UGGT1: variants seen among roughly 807,000 people sequenced by gnomAD.
The protein encoded by UGGT1 is UDP-glucose glycoprotein glucosyltransferase 1.
In UGGT1, 107 loss-of-function variants were observed where a neutral mutation model predicts 203.9. The observed-to-expected ratio is 0.52, with a 90% CI of 0.45 to 0.62. The LOEUF is 0.62. Ranked by LOEUF, UGGT1 falls within the 20% of genes least tolerant of loss-of-function variation. UGGT1 has a pLI of 0.00. For missense variants in UGGT1, 1,673 were observed against 1,867.2 expected, an observed-to-expected ratio of 0.90 and a Z score of 1.92; for synonymous variants, 628 against 653.5, an observed-to-expected ratio of 0.96 and a Z score of 0.59.
chr2:128,102,633 T>G (rs555090957), intron 2 of UGGT1, among the ~76,000 whole-genome samples: 1 of 152,316 alleles, frequency 6.6e-6, no homozygotes, highest in East Asian at 1.9e-4. Context: ...TTAGACCTTG[T>G]AAGACCTTAT....
chr2:128,195,522 T>C lies in UGGT1; in HGVS notation c.*5780T>C, dbSNP rs1287086631. On this transcript the variant is annotated 3_prime_UTR_variant, in exon 41 of 41. Transcript: ENST00000259253. ...TAATCCTGCTCCATTAAATGCAGCA[T>C]TGTTGTCAGGTGCTGCCTCTTGCTT... The C allele has an allele frequency of 1.3e-5, 2 of 152,228 alleles. No individual in the cohort carries two copies. The highest frequency in any genetic ancestry group is 2.9e-5 in the Non-Finnish European group (2 of 68,034). The allele number at this position is 152,228 out of a possible 1,614,324, so 9.4% of individuals were successfully genotyped here.
intron 18 of UGGT1, among the ~76,000 whole-genome samples, 158 bp from the exon 19 acceptor site, chr2:128,152,626 G>A (rs1207315802): frequency 6.6e-6 from 1 of 152,172 alleles, no homozygotes; most frequent in Non-Finnish European, 1.5e-5. Context: ...GGTATACTCG[G>A]CAGTGACAGG....
At chr2:128,177,054 G>C (rs1298497711) in intron 32 of UGGT1, among the ~76,000 whole-genome samples, 156 bp downstream of exon 32, 1 of 151,736 alleles carries the variant, frequency 6.6e-6, no homozygotes, top group Non-Finnish European at 1.5e-5. Flanking sequence ...TGAGTTTGTG[G>C]CTTCCCTCAA....
At chr2:128,111,616 C>T (rs1687853119) in intron 5 of UGGT1, among the ~76,000 whole-genome samples, 1 of 152,066 alleles carries the variant, frequency 6.6e-6, no homozygotes, top group Admixed American at 6.5e-5. Flanking sequence ...TGCCATTCTC[C>T]TGCCTCAGCC....
intron 8 of UGGT1, among the ~76,000 whole-genome samples, chr2:128,117,987 TGTGTGTGAGA>T (rs1234758066): frequency 1.9e-3 from 132 of 71,272 alleles, no homozygotes; most frequent in South Asian, 0.017. Flanking sequence ...TCTGTGTGTG[TGTGTGTGAGA>T]GAGAGAGAGA....
At position 128,175,445 on chromosome 2, in the gene UGGT1, A is replaced by T. The variant is rs551445617; in HGVS notation, c.3539+587A>T. Among the ~76,000 whole-genome samples, 104 of 152,304 alleles carry T rather than the reference A, an allele frequency of 6.8e-4. 4 individuals carry two copies. In the South Asian group the frequency reaches 0.021, roughly 31 times the overall value. Reference sequence around the variant, plus strand: ...ATAAATTCTGCTTAACACAATTTAAATTAGTTTTAAACTGTGTGAAGAGGC... The same window carrying T: ...ATAAATTCTGCTTAACACAATTTAATTTAGTTTTAAACTGTGTGAAGAGGC... On this transcript the variant is annotated intron_variant, in intron 31 of 40. Transcript: ENST00000259253.
chr2:128,170,001 A>ATG (rs1691012182), intron 26 of UGGT1, among the ~76,000 whole-genome samples: 1 of 152,192 alleles, frequency 6.6e-6, no homozygotes, highest in South Asian at 2.1e-4. Flanking sequence ...AACTGGCATA[A>ATG]TGTTATCAGA....
chr2:128,135,231 A>G (rs1293897483), intron 15 of UGGT1, among the ~76,000 whole-genome samples: 1 of 152,222 alleles, frequency 6.6e-6, no homozygotes, highest in Non-Finnish European at 1.5e-5. Flanking sequence ...ATGGAAGGGA[A>G]TTTTCCTAGG....
chr2:128,112,454 T>TTATATA (rs59726004), intron 5 of UGGT1, among the ~76,000 whole-genome samples: 1,665 of 55,690 alleles, frequency 0.03, 375 homozygotes, highest in Non-Finnish European at 0.043. Flanking sequence ...AAATACTATG[T>TTATATA]TATATATATA....
rs1176555895 is a variant in UGGT1 at position 128,134,916 on chromosome 2, T to C, written c.1538T>C (p.Leu513Ser). The change falls in exon 15 of 41, where the codon TTG (leucine) becomes TCG (serine). Residue 513 changes from leucine (L) to serine (S), a missense_variant. Transcript: ENST00000259253. ...VDPAHETTAE[L>S]MNTAEMFLSN... ...CCTGCACATGAGACCACAGCAGAGT[T>C]GATGAACACAGCTGAGATGTTCCTT... 5 of 1,613,898 alleles carry C rather than the reference T, an allele frequency of 3.1e-6. No homozygotes were observed. In the African/African-American group the frequency reaches 6.7e-5, roughly 22 times the overall value.
intron 29 of UGGT1, 66 bp from the exon 30 acceptor site, chr2:128,173,714 AT>A: frequency 6.4e-7 from 1 of 1,555,142 alleles, no homozygotes; most frequent in South Asian, 1.2e-5. Context: ...TTTACTTTGC[AT>A]AATGCATTTC....
At chr2:128,132,222 T>A (rs1315292816) in intron 13 of UGGT1, among the ~76,000 whole-genome samples, 1 of 151,958 alleles carries the variant, frequency 6.6e-6, no homozygotes, top group African/African-American at 2.4e-5. Context: ...TTTTTCCGAT[T>A]TTTTTTTACA....
intron 20 of UGGT1, among the ~76,000 whole-genome samples, 172 bp from the exon 21 acceptor site, chr2:128,156,220 T>G (rs750470536): frequency 6.6e-6 from 1 of 152,220 alleles, no homozygotes; most frequent in Non-Finnish European, 1.5e-5. Context: ...TTTGGTTCTT[T>G]AAAGAAACTG....
chr2:128,091,204 G>T lies in UGGT1; in HGVS notation c.-154G>T. ...GGAAGTAAAAGGGCGGCCGGCAGCT[G>T]GGCAATTGCTTTGCGAGGCTGGGTG... is the stretch of plus-strand genomic sequence containing the variant. On this transcript the variant is annotated 5_prime_UTR_variant, in exon 1 of 41. Coordinates refer to ENST00000259253, the MANE Select transcript of UGGT1 (RefSeq NM_020120.4). 3.7e-6 allele frequency: 3 copies of T among 821,132 alleles called. No homozygotes were observed. The South Asian group carries it at 5.6e-5, about 15-fold the overall frequency. 50.9% of individuals were successfully genotyped at this position (821,132 alleles called of 1,614,324 possible).
chr2:128,173,740 T>C (rs1289441052), intron 29 of UGGT1, 41 bp from the exon 30 acceptor site: 1 of 1,601,378 alleles, frequency 6.2e-7, no homozygotes, highest in Non-Finnish European at 8.5e-7. Flanking sequence ...TTATTCATGT[T>C]GTCTCTGAGT....
rs1688353373 is a variant in UGGT1, at chr2:128,120,949, TGC to T, written c.974-248_974-247del. 3.9e-5 allele frequency among the ~76,000 whole-genome samples: 6 copies of T among 152,216 alleles called. No homozygotes were observed. The South Asian group carries it at 8.3e-4, about 21-fold the overall frequency. ...TGGGCCTGATTTAGCCTGTGCTACATGCGTTAGTGTAGCGTTAGTGTGTGCCC... is the reference window on the plus strand; with the variant it reads ...TGGGCCTGATTTAGCCTGTGCTACATGTTAGTGTAGCGTTAGTGTGTGCCC... On this transcript the variant is annotated intron_variant, in intron 9 of 40. Transcript: ENST00000259253.
chr2:128,159,409 A>G (rs1178137969), intron 22 of UGGT1, 105 bp from the exon 23 acceptor site: 3 of 1,112,746 alleles, frequency 2.7e-6, no homozygotes, highest in Admixed American at 2.0e-5. Flanking sequence ...TGAGACTTTT[A>G]AGAGAGATAT....
chr2:128,188,409 T>A (rs1000162120), intron 40 of UGGT1, among the ~76,000 whole-genome samples: 1 of 152,180 alleles, frequency 6.6e-6, no homozygotes, highest in Admixed American at 6.5e-5. Flanking sequence ...TAATTTAGTG[T>A]TAAGTCTTTA....
chr2:128,169,152 C>T (rs1478154861), intron 26 of UGGT1, among the ~76,000 whole-genome samples: 1 of 140,162 alleles, frequency 7.1e-6, no homozygotes, highest in Non-Finnish European at 1.5e-5. Context: ...AGGAGGATCA[C>T]TTGAGGCCAG....
Sources: gnomAD v4.1 joint callset for allele counts (sites outside exome capture counted in the v4.1 genomes callset) on GRCh38, gnomAD v4.1.1 for gene constraint, MANE v1.5 for transcripts, NCBI Gene and HGNC (gene_info 2026-07-23, HGNC 2026-07-21) for gene names.